LPAR6: variants seen among roughly 807,000 people sequenced by gnomAD.
The protein encoded by LPAR6 is lysophosphatidic acid receptor 6.
Under a neutral mutation model 22.0 loss-of-function variants are expected in LPAR6, and 17 were observed. The observed-to-expected ratio is 0.77, with a 90% CI of 0.53 to 1.16. The LOEUF (loss-of-function observed/expected upper bound fraction) is 1.16, where lower values mean the gene tolerates loss of function less well. Ranked by LOEUF, LPAR6 falls within the 50% of genes most tolerant of loss-of-function variation. The pLI, the probability that LPAR6 is intolerant of heterozygous loss-of-function variation, is 0.00. For synonymous variants in LPAR6, 136 were observed against 139.8 expected, an observed-to-expected ratio of 0.97 and a Z score of 0.19; for missense variants, 384 against 406.9, an observed-to-expected ratio of 0.94 and a Z score of 0.48.
chr13:48,429,686 A>G (rs1244619824), upstream of LPAR6: 1 of 152,142 alleles, frequency 6.6e-6, no homozygotes. Context: ...GGAATTATAT[A>G]TATTATTTTA....
rs189602901 is a variant in LPAR6, at chr13:48,423,166, A to G, written c.-1094-376T>C. The stretch of plus-strand genomic sequence containing the variant: ...TAAATAAATAAAAAGAATGAAATAT[A>G]GTGAATTTCATTATGTAATGCATCG... On this transcript the variant is annotated intron_variant, in intron 1 of 4. Transcript: ENST00000345941. Among the ~76,000 whole-genome samples, 62 of 152,334 alleles carry G rather than the reference A, an allele frequency of 4.1e-4. 1 individual carries two copies. Among genetic ancestry groups the G allele is most frequent in the Non-Finnish European group, 7.2e-4 (49 of 68,034 alleles).
At position 48,396,940 on chromosome 13, in the gene LPAR6, G is replaced by A. The variant is rs148873121; in HGVS notation, n.115-7128C>T. ...TAGAGAAATGCAAATCAAAACCACA[G>A]TGAGATACCATCTCATGCCAGTTAG... On this transcript the variant is annotated intron_variant and non_coding_transcript_variant, in intron 1 of 1. Transcript: ENST00000462781. Among the ~76,000 whole-genome samples the A allele has an allele frequency of 1.0e-2, 1,516 of 152,238 alleles. 36 individuals are homozygous for A. Among genetic ancestry groups the A allele is most frequent in the African/African-American group, 0.035 (1,437 of 41,546 alleles).
chr13:48,396,896 G>A (rs544576842), intron 1 of LPAR6, among the ~76,000 whole-genome samples: 36 of 152,276 alleles, frequency 2.4e-4, no homozygotes, highest in Non-Finnish European at 4.1e-4. Context: ...ATGAAAAAAA[G>A]CTCATCACCA....
At chr13:48,417,615 T>C (rs1948935426), upstream of LPAR6, among the ~76,000 whole-genome samples, 3 of 151,968 alleles carry the variant, frequency 2.0e-5, no homozygotes, top group African/African-American at 7.3e-5. Context: ...TCTAACCCAA[T>C]GCAAGGAAGC....
chr13:48,432,893 A>G (rs529547906), intron 1 of LPAR6, among the ~76,000 whole-genome samples: 1 of 152,202 alleles, frequency 6.6e-6, no homozygotes, highest in Non-Finnish European at 1.5e-5. Context: ...ACTCTAATAA[A>G]TCTGCTGTTT....
chr13:48,430,106 A>G (rs1036420718), upstream of LPAR6, among the ~76,000 whole-genome samples: 2 of 152,186 alleles, frequency 1.3e-5, no homozygotes, highest in Non-Finnish European at 2.9e-5. Flanking sequence ...TGCATTCTCC[A>G]CACCTTCACC....
At chr13:48,417,924 C>G (rs1190408337), upstream of LPAR6, among the ~76,000 whole-genome samples, 2 of 152,084 alleles carry the variant, frequency 1.3e-5, no homozygotes, top group African/African-American at 4.8e-5. Flanking sequence ...CTGAAAGTGA[C>G]AGGGAGAATT....
At chr13:48,394,615 A>T (rs1325082672) in intron 1 of LPAR6, among the ~76,000 whole-genome samples, 1 of 152,184 alleles carries the variant, frequency 6.6e-6, no homozygotes, top group South Asian at 2.1e-4. Flanking sequence ...CTCACAGTGT[A>T]AACAAAGCCA....
intron 1 of LPAR6, among the ~76,000 whole-genome samples, chr13:48,436,969 T>C (rs893924996): frequency 2.0e-5 from 3 of 152,226 alleles, no homozygotes; most frequent in Non-Finnish European, 4.4e-5. Context: ...GTACTTACTT[T>C]GATAATCAGA....
At chr13:48,444,372 C>T (rs1383298201) in intron 1 of LPAR6, among the ~76,000 whole-genome samples, 2 of 152,144 alleles carry the variant, frequency 1.3e-5, no homozygotes, top group Non-Finnish European at 2.9e-5. Context: ...CAAAAATTAT[C>T]TGGGTGTGGT....
intron 1 of LPAR6, among the ~76,000 whole-genome samples, chr13:48,390,830 T>C (rs2138158597): frequency 6.6e-6 from 1 of 152,312 alleles, no homozygotes. Context: ...CATTCTTTAT[T>C]TAACTTATAC....
chr13:48,425,450 A>G (rs1949066113), intron 1 of LPAR6, among the ~76,000 whole-genome samples: 1 of 152,244 alleles, frequency 6.6e-6, no homozygotes, highest in South Asian at 2.1e-4. Flanking sequence ...ATAAAACCTT[A>G]GTTGGGTAAG....
chr13:48,439,777 G>C (rs1195973690), intron 1 of LPAR6: 2 of 152,098 alleles, frequency 1.3e-5, no homozygotes, highest in Non-Finnish European at 2.9e-5. Context: ...CAGAAAATAG[G>C]CTTTGGGGAA....
chr13:48,443,267 A>C (rs760473471), intron 1 of LPAR6, among the ~76,000 whole-genome samples: 1 of 151,812 alleles, frequency 6.6e-6, no homozygotes, highest in East Asian at 1.9e-4. Context: ...TAAATGGATA[A>C]AGCTGAAAAA....
At chr13:48,436,608 A>T (rs1207761495) in intron 1 of LPAR6, among the ~76,000 whole-genome samples, 1 of 151,852 alleles carries the variant, frequency 6.6e-6, no homozygotes, top group African/African-American at 2.4e-5. Context: ...GCACCACTGC[A>T]CTCCAGCCTG....
In LPAR6 at chr13:48,411,466, G is replaced by A. The variant is rs1475876204; in HGVS notation, c.958C>T (p.His320Tyr). ...TGCTGAATAAAATTCTCTGCACCATGAACTTCAGAGAATCTGAAGTCACTT... is the reference window on the plus strand; with the variant it reads ...TGCTGAATAAAATTCTCTGCACCATAAACTTCAGAGAATCTGAAGTCACTT... ...RRSDFRFSEV[H>Y]GAENFIQHNL... Residue 320 changes from histidine to tyrosine, a missense_variant, in exon 1 of 1, where the codon CAT becomes TAT. Transcript: ENST00000620633. 1.2e-6 allele frequency: 2 copies of A among 1,612,386 alleles called. No individual in the cohort carries two copies. The highest frequency in any genetic ancestry group is 1.7e-5 in the Admixed American group (1 of 59,934).
chr13:48,391,210 A>G (rs1230472254), intron 1 of LPAR6, among the ~76,000 whole-genome samples: 3 of 152,228 alleles, frequency 2.0e-5, no homozygotes, highest in African/African-American at 4.8e-5. Flanking sequence ...CACATACAGT[A>G]TAAGAATCTT....
intron 2 of LPAR6, chr13:48,422,515 A>C (rs1235821293): frequency 6.6e-6 from 1 of 152,214 alleles, no homozygotes; most frequent in Admixed American, 6.5e-5. Flanking sequence ...AAAGTATAAT[A>C]CTTTTAAAAA....
chr13:48,409,389 C>T (rs1280409013), downstream of LPAR6, among the ~76,000 whole-genome samples: 2 of 151,846 alleles, frequency 1.3e-5, no homozygotes, highest in Admixed American at 1.3e-4. Context: ...CATTACACCT[C>T]AAACCCAGAG....
Sources: gnomAD v4.1 joint callset for allele counts (sites outside exome capture counted in the v4.1 genomes callset) on GRCh38, gnomAD v4.1.1 for gene constraint, MANE v1.5 for transcripts, NCBI Gene and HGNC (gene_info 2026-07-23, HGNC 2026-07-21) for gene names.